The following ITPKA variants were observed in gnomAD, a reference collection of about 807,000 sequenced individuals.
ITPKA encodes the protein inositol-trisphosphate 3-kinase A.
ITPKA carries 16 observed loss-of-function variants against 40.7 expected under a neutral mutation model. That is an observed-to-expected ratio of 0.39 (90% confidence interval 0.27 to 0.60). The LOEUF is 0.60. Among genes scored for constraint, ITPKA ranks in the 20% least tolerant of loss-of-function variants. The pLI, the probability that ITPKA is intolerant of heterozygous loss-of-function variation, is 0.50. For missense variants in ITPKA, 540 were observed against 649.3 expected, an observed-to-expected ratio of 0.83 and a Z score of 1.83; for synonymous variants, 313 against 289.9, an observed-to-expected ratio of 1.08 and a Z score of -0.81.
chr15:41,497,960 T>C (rs1487624816), intron 1 of ITPKA, among the ~76,000 whole-genome samples: 1 of 152,114 alleles, frequency 6.6e-6, no homozygotes, highest in Non-Finnish European at 1.5e-5. Context: ...GAGACCAGCC[T>C]GGCCAACATG....
At chr15:41,500,966 G>A (rs1250520059) in intron 1 of ITPKA, among the ~76,000 whole-genome samples, 4 of 135,312 alleles carry the variant, frequency 3.0e-5, no homozygotes, top group African/African-American at 5.6e-5. Flanking sequence ...GCCAGATCGC[G>A]CCACTGCACT....
chr15:41,501,499 C>T lies in ITPKA; in HGVS notation c.526C>T (p.Leu176=), dbSNP rs748041258. 6.2e-7 allele frequency: 1 copy of T among 1,609,494 alleles called. No individual in the cohort carries two copies. Among genetic ancestry groups the T allele is most frequent in the African/African-American group, 1.3e-5 (1 of 74,300 alleles). The change falls in exon 2 of 7, where the codon CTG becomes TTG. Residue 176 remains leucine, a synonymous_variant. Transcript: ENST00000260386. Reference sequence around the variant, plus strand: ...GCAGAAGATCCGGACCATGGTCAATCTGCCGGTCATAAGCCCTTTCAAGAA... The same window carrying T: ...GCAGAAGATCCGGACCATGGTCAATTTGCCGGTCATAAGCCCTTTCAAGAA... ...HWQKIRTMVN[L]PVISPFKKRY...
intron 1 of ITPKA, among the ~76,000 whole-genome samples, chr15:41,495,774 C>G (rs1655557): frequency 0.39 from 59,347 of 152,196 alleles, 12,077 homozygotes; most frequent in African/African-American, 0.49. Flanking sequence ...CAGCAGCTCC[C>G]GGGGCGCGGA....
At position 41,503,316 on chromosome 15, in the gene ITPKA, C is replaced by A; in HGVS notation, c.*150C>A. 1.6e-6 allele frequency: 1 copy of A among 644,990 alleles called. No homozygotes were observed. Among genetic ancestry groups the A allele is most frequent in the Non-Finnish European group, 2.7e-6 (1 of 377,120 alleles). The allele number at this position is 644,990 out of a possible 1,614,324, so 40.0% of individuals were successfully genotyped here. On this transcript the variant is annotated 3_prime_UTR_variant, in exon 7 of 7. Transcript: ENST00000260386. ...CCAGGTGCCAGCCACTAAGGGGGGG[C>A]ACCGCCGATGCCAGGGGTTTTGCCC...
At chr15:41,499,294 T>A (rs1168111446) in intron 1 of ITPKA, among the ~76,000 whole-genome samples, 3 of 152,202 alleles carry the variant, frequency 2.0e-5, no homozygotes, top group Non-Finnish European at 4.4e-5. Context: ...ATTGGGCACG[T>A]GATCACACCC....
In ITPKA at chr15:41,493,970, G is replaced by C; in HGVS notation, c.43G>C (p.Gly15Arg). The change falls in exon 1 of 7, where the codon GGC (glycine) becomes CGC (arginine). Residue 15 changes from glycine (G) to arginine (R), a missense_variant. Gly to Arg is a moderately radical substitution (Grantham distance 125). Coordinates refer to ENST00000260386, the MANE Select transcript of ITPKA (RefSeq NM_002220.3). ...GGPTGMARPGGARPCSPGLER... is the reference protein window; with the variant it reads ...GGPTGMARPGRARPCSPGLER... ...CCCAACGGGCATGGCGCGGCCGGGG[G>C]GCGCGAGGCCCTGCAGCCCGGGGCT... 9.3e-7 allele frequency: 1 copy of C among 1,070,592 alleles called. No individual in the cohort carries two copies. Among genetic ancestry groups the C allele is most frequent in the Non-Finnish European group, 1.1e-6 (1 of 885,960 alleles). The allele number at this position is 1,070,592 out of a possible 1,614,324, so 66.3% of individuals were successfully genotyped here.
Position 41,494,565 on chromosome 15 carries a change from G to A in ITPKA, c.489+149G>A. ...TTAGGAGGAATCTGGGGGTCAGAGG[G>A]AGGCGCCTGGCCGACCTCTCGCCTG... On this transcript the variant is annotated intron_variant, in intron 1 of 6. Transcript: ENST00000260386. This position sits in a 1 kb window ranked among gnomAD's most constrained non-coding sequence, Gnocchi z 7.8. 1 of 541,660 alleles carries A rather than the reference G, an allele frequency of 1.8e-6. No individual in the cohort carries two copies. Among genetic ancestry groups the A allele is most frequent in the East Asian group, 3.5e-5 (1 of 28,486 alleles). The allele number at this position is 541,660 out of a possible 1,614,324, so 33.6% of individuals were successfully genotyped here.
intron 1 of ITPKA, among the ~76,000 whole-genome samples, chr15:41,495,248 C>T (rs1314218590): frequency 6.6e-6 from 1 of 152,234 alleles, no homozygotes; most frequent in Non-Finnish European, 1.5e-5. Context: ...CTCGTTTTAA[C>T]CAAGGCCAAA....
At position 41,494,020 on chromosome 15, in the gene ITPKA, C is replaced by T; in HGVS notation, c.93C>T (p.Val31=). Residue 31 remains valine, a synonymous_variant, in exon 1 of 7, where the codon GTC becomes GTT. Coordinates refer to ENST00000260386, the MANE Select transcript of ITPKA (RefSeq NM_002220.3). The surrounding 1 kb of genome is among the most constrained non-coding windows in gnomAD (Gnocchi z 7.8). ...PGLERAPRRS[V]GELRLLFEAR... is the part of the protein sequence containing the mutation. ...TGGAGCGGGCCCCGCGCCGGAGTGTCGGGGAGCTGCGCCTGCTCTTCGAGG... is the reference window on the plus strand; with the variant it reads ...TGGAGCGGGCCCCGCGCCGGAGTGTTGGGGAGCTGCGCCTGCTCTTCGAGG... 4.2e-6 allele frequency: 5 copies of T among 1,188,772 alleles called. No homozygotes were observed. The highest frequency in any genetic ancestry group is 5.2e-6 in the Non-Finnish European group (5 of 961,598). The allele number at this position is 1,188,772 out of a possible 1,614,324, so 73.6% of individuals were successfully genotyped here. A position where few individuals can be genotyped will look rare whatever the true frequency, so the allele number is the denominator to read the frequency against.
Position 41,502,473 on chromosome 15 carries a change from A to T in ITPKA, c.1080A>T (p.Glu360Asp). 2 of 1,601,262 alleles carry T rather than the reference A, an allele frequency of 1.2e-6. No individual in the cohort carries two copies. Among genetic ancestry groups the T allele is most frequent in the Non-Finnish European group, 1.7e-6 (2 of 1,168,998 alleles). Residue 360 changes from glutamate to aspartate, a missense_variant, in exon 5 of 7, where the codon GAA (glutamate) becomes GAT (aspartate). Coordinates refer to ENST00000260386, the MANE Select transcript of ITPKA (RefSeq NM_002220.3). ...RSREQVLRVFEEFVQGDEEVL... is the reference protein window; with the variant it reads ...RSREQVLRVFDEFVQGDEEVL... The stretch of plus-strand genomic sequence containing the variant: ...GAGAGCAGGTGCTTCGCGTCTTTGA[A>T]GAGTTTGTGCAAGGAGATGAGGAAG...
chr15:41,502,885 G>A (rs772792808), intron 6 of ITPKA, 26 bp downstream of exon 6: 4 of 1,608,904 alleles, frequency 2.5e-6, no homozygotes, highest in East Asian at 4.5e-5. Context: ...CCGGGTGCCC[G>A]GGCCGCGAGG....
Position 41,501,450 on chromosome 15 carries a change from C to T in ITPKA, c.490-13C>T, listed in dbSNP as rs756580407. On this transcript the variant is annotated splice_polypyrimidine_tract_variant and intron_variant, in intron 1 of 6. Transcript: ENST00000260386. ...AGACGCCGATTATCAGACCTTGACCCTGTCGCTTTCAGAAAAACCACTGGC... is the reference window on the plus strand; with the variant it reads ...AGACGCCGATTATCAGACCTTGACCTTGTCGCTTTCAGAAAAACCACTGGC... 4 of 1,602,302 alleles carry T rather than the reference C, an allele frequency of 2.5e-6. No individual in the cohort carries two copies. The highest frequency in any genetic ancestry group is 3.4e-6 in the Non-Finnish European group (4 of 1,174,396).
intron 4 of ITPKA, 64 bp from the exon 5 acceptor site, chr15:41,502,338 C>A: frequency 7.1e-7 from 1 of 1,407,668 alleles, no homozygotes; most frequent in South Asian, 1.2e-5. Flanking sequence ...GGTACCGCTG[C>A]TCTACGCTGT....
At chr15:41,500,673 G>C (rs2051103174) in intron 1 of ITPKA, among the ~76,000 whole-genome samples, 1 of 152,090 alleles carries the variant, frequency 6.6e-6, no homozygotes, top group Admixed American at 6.6e-5. Flanking sequence ...ACAGAGGCTT[G>C]TTTCTTGGGC....
intron 1 of ITPKA, among the ~76,000 whole-genome samples, chr15:41,496,491 G>C (rs60301670): frequency 0.031 from 4,710 of 152,294 alleles, 171 homozygotes; most frequent in African/African-American, 0.087. Context: ...AAAAGTCACA[G>C]GCAGGCTTTT....
At chr15:41,497,033 A>T (rs951003819) in intron 1 of ITPKA, among the ~76,000 whole-genome samples, 14 of 152,184 alleles carry the variant, frequency 9.2e-5, no homozygotes, top group African/African-American at 3.4e-4. Context: ...TACACTGTGT[A>T]TCTGGCATGA....
In ITPKA at chr15:41,501,510, A is replaced by G; in HGVS notation, c.537A>G (p.Ile179Met). The G allele has an allele frequency of 6.3e-7, 1 of 1,597,596 alleles. No homozygotes were observed. The highest frequency in any genetic ancestry group is 8.5e-7 in the Non-Finnish European group (1 of 1,172,208). The change falls in exon 2 of 7, where the codon ATA becomes ATG. Residue 179 changes from isoleucine to methionine, a missense_variant. Ile to Met is a conservative substitution (Grantham distance 10, BLOSUM62 1). Coordinates refer to ENST00000260386, the MANE Select transcript of ITPKA (RefSeq NM_002220.3). The part of the protein sequence containing the change: ...KIRTMVNLPV[I>M]SPFKKRYAWV... The stretch of plus-strand genomic sequence containing the variant: ...GGACCATGGTCAATCTGCCGGTCAT[A>G]AGCCCTTTCAAGAAGCGCTACGCCT...
At chr15:41,501,384 C>A in intron 1 of ITPKA, 79 bp from the exon 2 acceptor site, 1 of 1,533,886 alleles carries the variant, frequency 6.5e-7, no homozygotes, top group Non-Finnish European at 8.8e-7. Context: ...GGGGGCGTGG[C>A]GAGACCCTGT....
Position 41,503,204 on chromosome 15 carries a change from T to C in ITPKA, c.*38T>C, listed in dbSNP as rs1274891314. The C allele has an allele frequency of 2.1e-6, 3 of 1,447,658 alleles. No individual in the cohort carries two copies. The highest frequency in any genetic ancestry group is 2.3e-5 in the East Asian group (1 of 42,652). 89.7% of individuals were successfully genotyped at this position (1,447,658 alleles called of 1,614,324 possible). A position where few individuals can be genotyped will look rare whatever the true frequency, so the allele number is the denominator to read the frequency against. ...GTCCCCGCGGGCCGCTCACCTGACA[T>C]GTGGACCTGCAGCTTTGTCCCCACT... is the stretch of plus-strand genomic sequence containing the variant. On this transcript the variant is annotated 3_prime_UTR_variant, in exon 7 of 7. Coordinates refer to ENST00000260386, the MANE Select transcript of ITPKA (RefSeq NM_002220.3).
Sources: gnomAD v4.1 joint callset for allele counts (sites outside exome capture counted in the v4.1 genomes callset) on GRCh38, gnomAD v4.1.1 for gene constraint, Gnocchi (gnomAD v3.1) non-coding constraint, MANE v1.5 for transcripts, NCBI Gene and HGNC (gene_info 2026-07-23, HGNC 2026-07-21) for gene names.